CPQ: variants seen among roughly 807,000 people sequenced by gnomAD.
CPQ encodes the protein carboxypeptidase Q.
Under a neutral mutation model 45.7 loss-of-function variants are expected in CPQ, and 37 were observed. That is an observed-to-expected ratio of 0.81 (90% CI 0.62 to 1.07). CPQ has a LOEUF of 1.07. Ranked by LOEUF, CPQ falls within the 50% of genes least tolerant of loss-of-function variation. CPQ has a pLI of 0.00. For synonymous variants in CPQ, 186 were observed against 205.8 expected (o/e 0.90, Z 0.82); for missense variants, 537 against 572.9 (o/e 0.94, Z 0.64).
chr8:96,877,835 G>C (rs1812168518), intron 3 of CPQ, among the ~76,000 whole-genome samples: 1 of 152,186 alleles, frequency 6.6e-6, no homozygotes, highest in Non-Finnish European at 1.5e-5. Flanking sequence ...ACCTGAACCA[G>C]AATTTGGAAT....
chr8:96,876,790 T>A (rs1282513868), intron 3 of CPQ, among the ~76,000 whole-genome samples: 1 of 152,210 alleles, frequency 6.6e-6, no homozygotes, highest in African/African-American at 2.4e-5. Context: ...TTGTTTGTGG[T>A]ATATAATCCT....
intron 3 of CPQ, among the ~76,000 whole-genome samples, chr8:96,848,254 C>A (rs1233827800): frequency 6.6e-6 from 1 of 152,072 alleles, no homozygotes; most frequent in African/African-American, 2.4e-5. Flanking sequence ...CAGGAGAAGA[C>A]CCAATTTTTG....
At position 96,706,119 on chromosome 8, in the gene CPQ, T is replaced by C. The variant is rs866262099; in HGVS notation, c.-35+60717T>C. 4.0e-4 allele frequency among the ~76,000 whole-genome samples: 61 copies of C among 152,272 alleles called. No individual in the cohort carries two copies. In the South Asian group the frequency reaches 7.7e-3, roughly 19 times the overall value. On this transcript the variant is annotated intron_variant, in intron 1 of 7. Coordinates refer to ENST00000220763, the MANE Select transcript of CPQ (RefSeq NM_016134.4). ...ATGTTAAAGGCTTGCTGACAGCCTGTCTTTGTTGCCTGGACCGTGTTTTAA... is the reference window on the plus strand; with the variant it reads ...ATGTTAAAGGCTTGCTGACAGCCTGCCTTTGTTGCCTGGACCGTGTTTTAA...
Position 96,829,859 on chromosome 8 carries a change from T to A in CPQ, c.434-5114T>A, listed in dbSNP as rs377605780. Among the ~76,000 whole-genome samples the A allele has an allele frequency of 5.8e-4, 88 of 152,268 alleles. 2 individuals are homozygous for A. The highest frequency in any genetic ancestry group is 1.4e-3 in the South Asian group (7 of 4,830). On this transcript the variant is annotated intron_variant, in intron 2 of 7. Transcript: ENST00000220763. ...ACAATCCTTAAGGATAGTACTGGAA[T>A]TTCCTCATCTTCCTATTGTCCACAT...
chr8:96,948,034 C>T (rs899945508), intron 4 of CPQ, among the ~76,000 whole-genome samples: 6 of 151,912 alleles, frequency 3.9e-5, no homozygotes, highest in South Asian at 4.1e-4. Context: ...GTACTTAGCG[C>T]GACTCCTGCT....
intron 5 of CPQ, among the ~76,000 whole-genome samples, chr8:96,998,703 T>C (rs1290678547): frequency 6.6e-6 from 1 of 151,966 alleles, no homozygotes; most frequent in South Asian, 2.1e-4. Context: ...ATATGAAATA[T>C]CATTGAAGCT....
At chr8:96,877,398 A>G (rs1320217869) in intron 3 of CPQ, among the ~76,000 whole-genome samples, 1 of 152,238 alleles carries the variant, frequency 6.6e-6, no homozygotes, top group East Asian at 1.9e-4. Flanking sequence ...AAATCTGTCT[A>G]GAAACACTAC....
At chr8:96,808,176 A>G (rs1225156426) in intron 2 of CPQ, among the ~76,000 whole-genome samples, 2 of 152,194 alleles carry the variant, frequency 1.3e-5, no homozygotes, top group African/African-American at 4.8e-5. Context: ...ATATTTAGGA[A>G]GTTTGATAGG....
intron 5 of CPQ, among the ~76,000 whole-genome samples, chr8:96,969,032 C>T (rs1373082188): frequency 1.3e-5 from 2 of 152,150 alleles, no homozygotes; most frequent in Non-Finnish European, 2.9e-5. Context: ...CAATGATGCT[C>T]CAAAATGCTC....
chr8:96,770,832 C>G (rs1257276364), intron 1 of CPQ, among the ~76,000 whole-genome samples: 2 of 148,396 alleles, frequency 1.3e-5, no homozygotes, highest in Admixed American at 6.7e-5. Flanking sequence ...GAGGTGATAC[C>G]TGAATTAGTT....
intron 5 of CPQ, among the ~76,000 whole-genome samples, chr8:96,997,180 A>G (rs899887164): frequency 6.6e-6 from 1 of 151,956 alleles, no homozygotes; most frequent in African/African-American, 2.4e-5. Flanking sequence ...TTTTTTCTCT[A>G]CCAATTAAAG....
chr8:97,123,730 A>T (rs1811796675), intron 7 of CPQ, among the ~76,000 whole-genome samples: 1 of 152,180 alleles, frequency 6.6e-6, no homozygotes, highest in Non-Finnish European at 1.5e-5. Flanking sequence ...CGTCAAACTG[A>T]ATAAAAAAAG....
At chr8:97,104,205 A>G (rs1811363427) in intron 7 of CPQ, among the ~76,000 whole-genome samples, 1 of 152,186 alleles carries the variant, frequency 6.6e-6, no homozygotes, top group South Asian at 2.1e-4. Flanking sequence ...TAGTTTGCAC[A>G]TGAGAAGATC....
chr8:96,973,996 G>T (rs1405644489), intron 5 of CPQ, among the ~76,000 whole-genome samples: 2 of 152,132 alleles, frequency 1.3e-5, no homozygotes, highest in Non-Finnish European at 2.9e-5. Context: ...ATAGCATGAT[G>T]AATAAAATAG....
intron 7 of CPQ, among the ~76,000 whole-genome samples, chr8:97,088,092 T>C (rs1811070379): frequency 6.6e-6 from 1 of 152,172 alleles, no homozygotes; most frequent in South Asian, 2.1e-4. Context: ...TAGTATGTTG[T>C]CAAAAAAGAA....
chr8:96,729,964 G>T (rs1034095595), intron 1 of CPQ, among the ~76,000 whole-genome samples: 2 of 152,164 alleles, frequency 1.3e-5, no homozygotes, highest in African/African-American at 4.8e-5. Context: ...GATGAGTTTT[G>T]AAGATTTGTA....
intron 3 of CPQ, among the ~76,000 whole-genome samples, chr8:96,851,722 T>C (rs1377720273): frequency 2.0e-5 from 3 of 152,074 alleles, no homozygotes; most frequent in Non-Finnish European, 2.9e-5. Context: ...TTTCAAACCA[T>C]AGAATAAAGA....
At chr8:96,813,878 T>C (rs74414564) in intron 2 of CPQ, among the ~76,000 whole-genome samples, 7,587 of 152,238 alleles carry the variant, frequency 0.05, 211 homozygotes, top group Middle Eastern at 0.11. Flanking sequence ...GTTCTTTCAG[T>C]GACGGACACT....
At chr8:96,903,900 G>A (rs1383449675) in intron 4 of CPQ, among the ~76,000 whole-genome samples, 27 of 152,200 alleles carry the variant, frequency 1.8e-4, no homozygotes, top group Admixed American at 1.6e-3. Context: ...AACTTCTGGT[G>A]GAGCCAGCTG....
Sources: gnomAD v4.1 joint callset for allele counts (sites outside exome capture counted in the v4.1 genomes callset) on GRCh38, gnomAD v4.1.1 for gene constraint, MANE v1.5 for transcripts, NCBI Gene and HGNC (gene_info 2026-07-23, HGNC 2026-07-21) for gene names.